EVI5: variants seen among roughly 807,000 people sequenced by gnomAD.
The protein encoded by EVI5 is ecotropic viral integration site 5.
Under a neutral mutation model 112.0 loss-of-function variants are expected in EVI5, and 73 were observed. That is an observed-to-expected ratio of 0.65 (90% CI 0.54 to 0.79). EVI5 has a LOEUF of 0.79. EVI5 is among the 30% of genes least tolerant of loss of function. The pLI, the probability that EVI5 is intolerant of heterozygous loss-of-function variation, is 0.00. For missense variants in EVI5, 900 were observed against 968.8 expected, an observed-to-expected ratio of 0.93 and a Z score of 0.94; for synonymous variants, 305 against 319.9, an observed-to-expected ratio of 0.95 and a Z score of 0.50.
intron 5 of EVI5, chr1:92,700,960 C>T (rs578102715): frequency 6.6e-6 from 1 of 152,294 alleles, no homozygotes; most frequent in East Asian, 1.9e-4. Context: ...TGTTAAACAA[C>T]TATACCTTAA....
chr1:92,597,574 G>C (rs1466610049), intron 18 of EVI5, among the ~76,000 whole-genome samples: 1 of 152,086 alleles, frequency 6.6e-6, no homozygotes, highest in Non-Finnish European at 1.5e-5. Flanking sequence ...AATAATAAAA[G>C]AACATATACA....
At chr1:92,640,789 C>G (rs1414164250) in intron 13 of EVI5, among the ~76,000 whole-genome samples, 2 of 152,134 alleles carry the variant, frequency 1.3e-5, no homozygotes, top group Admixed American at 1.3e-4. Flanking sequence ...CATATGTTTA[C>G]CGCAGCACTG....
Position 92,666,489 on chromosome 1 carries a change from G to C in EVI5, c.1159-497C>G, listed in dbSNP as rs577947385. 1.1e-4 allele frequency among the ~76,000 whole-genome samples: 15 copies of C among 140,272 alleles called. No individual in the cohort carries two copies. The Admixed American group carries it at 1.1e-3, about 10-fold the overall frequency. 92.0% of individuals were successfully genotyped at this position (140,272 alleles called of 152,430 possible). Reference sequence around the variant, plus strand: ...AGGTGGGGGCTGAGGTGGGGGGCTGGGAGGTGGGGGCTGAGGTGGGGGTGG... The same window carrying C: ...AGGTGGGGGCTGAGGTGGGGGGCTGCGAGGTGGGGGCTGAGGTGGGGGTGG... On this transcript the variant is annotated intron_variant, in intron 10 of 19. Coordinates refer to ENST00000684568, the MANE Select transcript of EVI5 (RefSeq NM_001350197.2).
chr1:92,731,981 G>T (rs1230805515), intron 2 of EVI5: 1 of 152,364 alleles, frequency 6.6e-6, no homozygotes, highest in Non-Finnish European at 1.5e-5. Context: ...ATTTGAAATT[G>T]TAACTTAATC....
intron 1 of EVI5, among the ~76,000 whole-genome samples, chr1:92,741,862 A>G (rs1399335027): frequency 6.6e-6 from 1 of 152,208 alleles, no homozygotes; most frequent in African/African-American, 2.4e-5. Context: ...AACTAAAACT[A>G]TAAAACTTAG....
At chr1:92,614,565 T>C (rs745455077) in intron 16 of EVI5, among the ~76,000 whole-genome samples, 4 of 151,902 alleles carry the variant, frequency 2.6e-5, no homozygotes, top group Non-Finnish European at 5.9e-5. Context: ...CCAGCGAATA[T>C]AAAGCAGGCA....
In EVI5 at chr1:92,514,050, G is replaced by C. The variant is rs1003777219; in HGVS notation, c.2167-80C>G. The C allele has an allele frequency of 5.9e-5, 48 of 809,626 alleles. No homozygotes were observed. The Middle Eastern group carries it at 2.2e-3, about 38-fold the overall frequency. 50.2% of individuals were successfully genotyped at this position (809,626 alleles called of 1,614,324 possible). A position where few individuals can be genotyped will look rare whatever the true frequency, so the allele number is the denominator to read the frequency against. Reference sequence around the variant, plus strand: ...CAAAAAGCAAACATTCCATGTTTAAGGAAGAAGATGCCTTATTATTTTTCT... The same window carrying C: ...CAAAAAGCAAACATTCCATGTTTAACGAAGAAGATGCCTTATTATTTTTCT... On this transcript the variant is annotated intron_variant, in intron 19 of 19. Transcript: ENST00000684568.
chr1:92,705,366 GA>G (rs1246495871), intron 2 of EVI5, among the ~76,000 whole-genome samples: 2 of 152,136 alleles, frequency 1.3e-5, no homozygotes, highest in Non-Finnish European at 2.9e-5. Context: ...AGATTCTCTT[GA>G]AAAATAAAAA....
Position 92,513,661 on chromosome 1 carries a change from C to G in EVI5, c.2476G>C (p.Val826Leu). 2 of 1,599,056 alleles carry G rather than the reference C, an allele frequency of 1.3e-6. No individual in the cohort carries two copies. The highest frequency in any genetic ancestry group is 2.2e-5 in the South Asian group (2 of 90,176). Residue 826 changes from valine (V) to leucine (L), a missense_variant, in exon 20 of 20, where the codon GTC becomes CTC. Transcript: ENST00000684568. ...PRRRESYSTTV is the reference protein window; with the variant it reads ...PRRRESYSTTL ...AGTCTAGGTCACAGTGATGGTCAGACAGTGGTTGAATACGACTCTCTTCTT... is the reference window on the plus strand; with the variant it reads ...AGTCTAGGTCACAGTGATGGTCAGAGAGTGGTTGAATACGACTCTCTTCTT...
Position 92,605,409 on chromosome 1 carries a change from T to C in EVI5, c.1975-7A>G. 1 of 1,592,350 alleles carries C rather than the reference T, an allele frequency of 6.3e-7. No homozygotes were observed. Among genetic ancestry groups the C allele is most frequent in the South Asian group, 1.1e-5 (1 of 89,994 alleles). ...CCATCACTTCTTCCTTATTCTAGTG[T>C]GGTAAACCAAACCGAAACAAAATAA... On this transcript the variant is annotated splice_region_variant and splice_polypyrimidine_tract_variant and intron_variant, in intron 17 of 19. Transcript: ENST00000684568.
chr1:92,608,654 A>T lies in EVI5; in HGVS notation c.1828-927T>A, dbSNP rs569260384. ...AGGAGGCAGAGGTTGCAGTGAGCTG[A>T]GATCACACAACTGCACTCTAGCCTG... On this transcript the variant is annotated intron_variant, in intron 16 of 19. Transcript: ENST00000684568. 2.0e-5 allele frequency among the ~76,000 whole-genome samples: 3 copies of T among 152,002 alleles called. No individual in the cohort carries two copies. In the East Asian group the frequency reaches 5.8e-4, roughly 29 times the overall value.
chr1:92,697,618 T>C (rs1321308352), intron 6 of EVI5, among the ~76,000 whole-genome samples: 2 of 152,190 alleles, frequency 1.3e-5, no homozygotes, highest in Non-Finnish European at 2.9e-5. Context: ...GGGTGTATAG[T>C]ACATTTGGCA....
At chr1:92,763,101 T>C (rs1451471995) in intron 1 of EVI5, among the ~76,000 whole-genome samples, 1 of 152,000 alleles carries the variant, frequency 6.6e-6, no homozygotes, top group Non-Finnish European at 1.5e-5. Flanking sequence ...AGCCCTTGTC[T>C]CTACAAATAA....
At chr1:92,594,117 A>C (rs976159131) in intron 18 of EVI5, among the ~76,000 whole-genome samples, 1 of 152,226 alleles carries the variant, frequency 6.6e-6, no homozygotes, top group Admixed American at 6.5e-5. Flanking sequence ...AGTCAATCCT[A>C]AGCCAAAAGA....
At chr1:92,714,668 C>G (rs1242682855) in intron 2 of EVI5, among the ~76,000 whole-genome samples, 1 of 152,130 alleles carries the variant, frequency 6.6e-6, no homozygotes, top group Non-Finnish European at 1.5e-5. Context: ...GAGCTCACTG[C>G]AACCTTAAAT....
intron 1 of EVI5, among the ~76,000 whole-genome samples, chr1:92,737,873 G>T (rs1301458349): frequency 6.6e-6 from 1 of 152,140 alleles, no homozygotes. Flanking sequence ...CTGAATAGGG[G>T]CAAGAGTTTT....
intron 2 of EVI5, among the ~76,000 whole-genome samples, chr1:92,735,647 T>TTATGAC (rs1677235106): frequency 3.3e-3 from 7 of 2,140 alleles, no homozygotes; most frequent in South Asian, 0.091. Context: ...GTCATATATA[T>TTATGAC]ATATAATTAT....
intron 16 of EVI5, among the ~76,000 whole-genome samples, chr1:92,608,728 A>AG (rs914021903): frequency 3.3e-5 from 5 of 151,274 alleles, no homozygotes; most frequent in Admixed American, 2.6e-4. Flanking sequence ...AAGGAAAAAA[A>AG]AAAGGTACCA....
At chr1:92,715,725 A>T (rs1673535793) in intron 2 of EVI5, among the ~76,000 whole-genome samples, 1 of 152,098 alleles carries the variant, frequency 6.6e-6, no homozygotes, top group African/African-American at 2.4e-5. Context: ...GCAGTGACAG[A>T]CTGTACCTGG....
Sources: gnomAD v4.1 joint callset for allele counts (sites outside exome capture counted in the v4.1 genomes callset) on GRCh38, gnomAD v4.1.1 for gene constraint, MANE v1.5 for transcripts, NCBI Gene and HGNC (gene_info 2026-07-23, HGNC 2026-07-21) for gene names.